Variants in ABL2 observed in about 807,000 individuals in gnomAD.
ABL2 encodes the protein ABL proto-oncogene 2, non-receptor tyrosine kinase, also known as tyrosine-protein kinase ABL2.
In ABL2, 49 loss-of-function variants were observed where a neutral mutation model predicts 107.7. The observed-to-expected ratio is 0.45, with a 90% CI of 0.36 to 0.58. The LOEUF (loss-of-function observed/expected upper bound fraction) is 0.58. Among genes scored for constraint, ABL2 ranks in the 20% least tolerant of loss-of-function variants. The probability of loss-of-function intolerance (pLI) is 0.00; values close to 1 mark genes in which losing one functional copy is unlikely to be tolerated. For missense variants in ABL2, 1,245 were observed against 1,457.0 expected (o/e 0.85, Z 2.37); for synonymous variants, 549 against 548.6 (o/e 1.00, Z -0.01).
intron 1 of ABL2, among the ~76,000 whole-genome samples, chr1:179,157,976 G>T (rs1374390877): frequency 6.6e-6 from 1 of 152,240 alleles, no homozygotes; most frequent in Non-Finnish European, 1.5e-5. Context: ...CGTCTCGAAA[G>T]AATGGTTCAT....
chr1:179,185,973 C>T (rs907352908), intron 1 of ABL2, among the ~76,000 whole-genome samples: 8 of 152,022 alleles, frequency 5.3e-5, no homozygotes, highest in Non-Finnish European at 1.2e-4. Context: ...GGGCCGGGCG[C>T]AGTGGCTCAC....
rs779648086 is a variant in ABL2, at chr1:179,126,368, G to T, written c.687+9C>A. ...TCCATGCTTAAAGGTGGTGACCAGG[G>T]AGTCTTACCTTGCCATCTGCAGTGG... On this transcript the variant is annotated intron_variant, in intron 4 of 11. Coordinates refer to ENST00000502732, the MANE Select transcript of ABL2 (RefSeq NM_007314.4). This position sits in a 1 kb window ranked among gnomAD's most constrained non-coding sequence, Gnocchi z 4.4. 6.2e-7 allele frequency: 1 copy of T among 1,607,778 alleles called. No individual in the cohort carries two copies.
intron 1 of ABL2, chr1:179,184,193 G>T: frequency 6.4e-6 from 3 of 469,146 alleles, no homozygotes; most frequent in South Asian, 6.0e-5. Context: ...TGCATTATCT[G>T]ACCAAAGTTG....
At chr1:179,128,953 G>A (rs1656007824) in intron 3 of ABL2, among the ~76,000 whole-genome samples, 1 of 151,826 alleles carries the variant, frequency 6.6e-6, no homozygotes, top group Non-Finnish European at 1.5e-5. Flanking sequence ...CCAAAGTGCT[G>A]AGAATACAGG....
At chr1:179,212,931 A>T (rs913332282) in intron 1 of ABL2, among the ~76,000 whole-genome samples, 4 of 150,888 alleles carry the variant, frequency 2.7e-5, no homozygotes, top group African/African-American at 9.8e-5. Flanking sequence ...CTGTAATCTC[A>T]GCTACTTGGG....
In ABL2 at chr1:179,103,110, G is replaced by A. The variant is rs1209921684; in HGVS notation, c.*4608C>T. ...CATCCTTCTTGAGTCAAGGTCCTTGGAAGAGCTTCTGTGTTCTGGAGTGAG... is the reference window on the plus strand; with the variant it reads ...CATCCTTCTTGAGTCAAGGTCCTTGAAAGAGCTTCTGTGTTCTGGAGTGAG... On this transcript the variant is annotated 3_prime_UTR_variant, in exon 12 of 12. Transcript: ENST00000502732. The A allele has an allele frequency of 4.5e-6, 1 of 221,000 alleles. No homozygotes were observed. Among genetic ancestry groups the A allele is most frequent in the Admixed American group, 5.7e-5 (1 of 17,398 alleles). The allele number at this position is 221,000 out of a possible 1,614,324, so 13.7% of individuals were successfully genotyped here.
At chr1:179,145,316 G>A (rs2102716452) in intron 1 of ABL2, among the ~76,000 whole-genome samples, 1 of 152,138 alleles carries the variant, frequency 6.6e-6, no homozygotes, top group South Asian at 2.1e-4. Context: ...CTGATACTTT[G>A]TCATAATTAA....
At chr1:179,132,274 C>T (rs28914515) in intron 2 of ABL2, among the ~76,000 whole-genome samples, 13 of 152,244 alleles carry the variant, frequency 8.5e-5, no homozygotes, top group African/African-American at 2.4e-4. Context: ...AAGCCTTTTA[C>T]GACCTGTTTT....
chr1:179,221,684 G>A, intron 1 of ABL2: 1 of 217,610 alleles, frequency 4.6e-6, no homozygotes, highest in African/African-American at 2.3e-5. Context: ...ACACTTATGT[G>A]TTCATCAATA....
intron 1 of ABL2, 33 bp from the exon 2 acceptor site, chr1:179,133,407 T>C (rs1656535107): frequency 6.2e-7 from 1 of 1,614,014 alleles, no homozygotes. Context: ...ACGTCACTTT[T>C]CTTAAGCTTC....
intron 1 of ABL2, among the ~76,000 whole-genome samples, chr1:179,206,844 T>C (rs775473232): frequency 6.6e-6 from 1 of 152,270 alleles, no homozygotes; most frequent in African/African-American, 2.4e-5. Flanking sequence ...GCCGAAAGGA[T>C]AGATTGAGAA....
At chr1:179,209,340 A>G (rs1295339790) in intron 1 of ABL2, among the ~76,000 whole-genome samples, 1 of 152,190 alleles carries the variant, frequency 6.6e-6, no homozygotes, top group Non-Finnish European at 1.5e-5. Flanking sequence ...CCCTCTGTCC[A>G]TCAGACTTCT....
Position 179,131,471 on chromosome 1 carries a change from A to C in ABL2, c.231T>G (p.His77Gln), listed in dbSNP as rs767384933. 8 of 1,613,866 alleles carry C rather than the reference A, an allele frequency of 5.0e-6. No individual in the cohort carries two copies. Among genetic ancestry groups the C allele is most frequent in the Non-Finnish European group, 5.1e-6 (6 of 1,179,772 alleles). The stretch of plus-strand genomic sequence containing the variant: ...GTTCAACATCACAACCATAGGGACG[A>C]TGCAAAGCTTCTGAAAGACATAAGA... ...KTGGSSPEALHRPYGCDVEPQ... is the reference protein window; with the variant it reads ...KTGGSSPEALQRPYGCDVEPQ... The change falls in exon 3 of 12, where the codon CAT becomes CAG. Residue 77 changes from histidine (H) to glutamine (Q), a missense_variant. Physicochemically the swap from His to Gln is conservative, Grantham distance 24. This residue lies in a region of ABL2 where 164 missense variants were observed against 143.7 expected (regional missense o/e 1.14). Coordinates refer to ENST00000502732, the MANE Select transcript of ABL2 (RefSeq NM_007314.4).
At chr1:179,224,305 C>T (rs1314030432) in intron 1 of ABL2, among the ~76,000 whole-genome samples, 6 of 151,916 alleles carry the variant, frequency 3.9e-5, no homozygotes, top group Non-Finnish European at 8.8e-5. Flanking sequence ...CTTGCTCTGT[C>T]GCCCAGGCTG....
chr1:179,117,532 C>A lies in ABL2; in HGVS notation c.1224-16G>T, dbSNP rs372101680. 8 of 1,612,680 alleles carry A rather than the reference C, an allele frequency of 5.0e-6. No homozygotes were observed. The highest frequency in any genetic ancestry group is 5.9e-6 in the Non-Finnish European group (7 of 1,179,412). Reference sequence around the variant, plus strand: ...TGCAAGATCTCTGTGGGAAAGAGAACCCTAATGTGATTCCATTCAGATGGT... The same window carrying A: ...TGCAAGATCTCTGTGGGAAAGAGAAACCTAATGTGATTCCATTCAGATGGT... On this transcript the variant is annotated splice_polypyrimidine_tract_variant and intron_variant, in intron 7 of 11. Coordinates refer to ENST00000502732, the MANE Select transcript of ABL2 (RefSeq NM_007314.4).
rs2102612407 is a variant in ABL2, at chr1:179,117,336, G to A, written c.1404C>T (p.Val468=). ...AYNTFSIKSD[V]WAFGVLLWEI... ...AAAAGTCCCTTTCAACCTTACCCCA[G>A]ACGTCAGATTTAATTGAGAAGGTAT... The change falls in exon 8 of 12, where the codon GTC becomes GTT. Residue 468 remains valine, a synonymous_variant. Transcript: ENST00000502732. 1 of 1,613,842 alleles carries A rather than the reference G, an allele frequency of 6.2e-7. No homozygotes were observed. The highest frequency in any genetic ancestry group is 8.5e-7 in the Non-Finnish European group (1 of 1,179,962).
intron 1 of ABL2, among the ~76,000 whole-genome samples, chr1:179,190,311 G>A (rs1473568881): frequency 2.0e-5 from 3 of 152,006 alleles, no homozygotes; most frequent in Non-Finnish European, 4.4e-5. Flanking sequence ...ACGGAACTCA[G>A]GGAAACACTT....
At chr1:179,122,655 CTTTT>C (rs950319518) in intron 4 of ABL2, among the ~76,000 whole-genome samples, 1 of 151,212 alleles carries the variant, frequency 6.6e-6, no homozygotes, top group African/African-American at 2.4e-5. Context: ...ATTTCTTTTT[CTTTT>C]TTTCTTTTTT....
At position 179,102,377 on chromosome 1, in the gene ABL2, G is replaced by T; in HGVS notation, c.*5341C>A. Reference sequence around the variant, plus strand: ...TCCAAATGATATAGATATCTTGACTGTTAAGAGTTGGAGACGTTTCAGAAG... The same window carrying T: ...TCCAAATGATATAGATATCTTGACTTTTAAGAGTTGGAGACGTTTCAGAAG... On this transcript the variant is annotated 3_prime_UTR_variant, in exon 12 of 12. Coordinates refer to ENST00000502732, the MANE Select transcript of ABL2 (RefSeq NM_007314.4). 1 of 211,566 alleles carries T rather than the reference G, an allele frequency of 4.7e-6. No homozygotes were observed. Among genetic ancestry groups the T allele is most frequent in the Non-Finnish European group, 9.6e-6 (1 of 104,272 alleles). The allele number at this position is 211,566 out of a possible 1,614,324, so 13.1% of individuals were successfully genotyped here.
Sources: gnomAD v4.1 joint callset for allele counts (sites outside exome capture counted in the v4.1 genomes callset) on GRCh38, gnomAD v4.1.1 for gene constraint, gnomAD v4.1.1 regional missense constraint, Gnocchi (gnomAD v3.1) non-coding constraint, MANE v1.5 for transcripts, NCBI Gene and HGNC (gene_info 2026-07-23, HGNC 2026-07-21) for gene names.